Variants in FAT3 observed in about 807,000 individuals in gnomAD.
The protein encoded by FAT3 is protocadherin Fat 3.
A neutral mutation model predicts 310.2 loss-of-function variants in FAT3; 95 were observed. The observed-to-expected ratio is 0.31, with a 90% CI of 0.26 to 0.36. The LOEUF (loss-of-function observed/expected upper bound fraction) is 0.36. FAT3 is among the 10% of genes least tolerant of loss of function. The probability of loss-of-function intolerance (pLI) is 1.00; values close to 1 mark genes in which losing one functional copy is unlikely to be tolerated. For synonymous variants in FAT3, 2,314 were observed against 2,192.9 expected (o/e 1.06, Z -1.54); for missense variants, 5,408 against 5,715.6 (o/e 0.95, Z 1.74).
chr11:92,528,608 G>A (rs908409597), intron 3 of FAT3, among the ~76,000 whole-genome samples: 23 of 152,106 alleles, frequency 1.5e-4, no homozygotes, highest in African/African-American at 5.6e-4. Context: ...GGATGGTCTC[G>A]ATTTCCTGAC....
chr11:92,439,274 C>G (rs2135065744), intron 2 of FAT3, among the ~76,000 whole-genome samples: 1 of 152,216 alleles, frequency 6.6e-6, no homozygotes, highest in Admixed American at 6.5e-5. Context: ...TGATCTAAAA[C>G]AGAGAATTGA....
chr11:92,836,547 T>G lies in FAT3; in HGVS notation c.10087-19T>G. 6.2e-7 allele frequency: 1 copy of G among 1,610,998 alleles called. No homozygotes were observed. On this transcript the variant is annotated intron_variant, in intron 15 of 27. Transcript: ENST00000525166. ...CCTTATGTCATGTCTTTTCTTTGTTTTGCTTGTTTTCCATGAAGCTAATAG... is the reference window on the plus strand; with the variant it reads ...CCTTATGTCATGTCTTTTCTTTGTTGTGCTTGTTTTCCATGAAGCTAATAG...
intron 2 of FAT3, among the ~76,000 whole-genome samples, chr11:92,479,549 T>A (rs141153863): frequency 3.3e-4 from 51 of 152,314 alleles, no homozygotes; most frequent in African/African-American, 1.2e-3. Flanking sequence ...AGGCCTTGAA[T>A]GGCCTAAATA....
chr11:92,353,918 G>A lies in FAT3; in HGVS notation c.1806G>A (p.Ala602=), dbSNP rs1410181836. ...GTGGTCACATCACAGCAGTCTCAGC[G>A]ATCGATATCGATGAACTTGAACTTG... The part of the protein sequence containing the change: ...PVGGHITAVS[A]IDIDELELVK... The change falls in exon 2 of 28, where the codon GCG becomes GCA. Residue 602 remains alanine, a synonymous_variant. Transcript: ENST00000525166. 9.9e-6 allele frequency: 16 copies of A among 1,611,794 alleles called. 1 individual carries two copies. Among genetic ancestry groups the A allele is most frequent in the Middle Eastern group, 1.6e-4 (1 of 6,076 alleles).
chr11:92,256,231 G>C (rs1416744452), intron 1 of FAT3, among the ~76,000 whole-genome samples: 1 of 151,978 alleles, frequency 6.6e-6, no homozygotes, highest in Admixed American at 6.6e-5. Flanking sequence ...AGGACATGGA[G>C]TTCCAGGAGG....
intron 2 of FAT3, among the ~76,000 whole-genome samples, chr11:92,502,621 G>A (rs1482943584): frequency 6.6e-6 from 1 of 152,048 alleles, no homozygotes; most frequent in African/African-American, 2.4e-5. Flanking sequence ...CTGTTTCAAT[G>A]GGTGGAAAGT....
chr11:92,612,951 C>T (rs1940633788), intron 3 of FAT3, among the ~76,000 whole-genome samples: 1 of 152,120 alleles, frequency 6.6e-6, no homozygotes, highest in African/African-American at 2.4e-5. Flanking sequence ...TGCATGTGTG[C>T]TATGCCAGTG....
At chr11:92,515,342 A>G (rs186399264) in intron 2 of FAT3, among the ~76,000 whole-genome samples, 1 of 152,266 alleles carries the variant, frequency 6.6e-6, no homozygotes, top group Admixed American at 6.5e-5. Flanking sequence ...CTTTTTAAAA[A>G]TATTTATATT....
In FAT3 at chr11:92,523,387, A is replaced by T. The variant is rs1355559601; in HGVS notation, c.3293-1247A>T. 2.0e-5 allele frequency among the ~76,000 whole-genome samples: 3 copies of T among 152,154 alleles called. No individual in the cohort carries two copies. In the East Asian group the frequency reaches 5.8e-4, roughly 29 times the overall value. ...CTTTGGTGAATAACATAGCAGCTGA[A>T]ATTTCAACATCAATCCGGTTATCAC... On this transcript the variant is annotated intron_variant, in intron 2 of 27. Coordinates refer to ENST00000525166, the MANE Select transcript of FAT3 (RefSeq NM_001367949.2).
chr11:92,856,250 G>A (rs1002990353), intron 19 of FAT3, among the ~76,000 whole-genome samples: 24 of 152,198 alleles, frequency 1.6e-4, no homozygotes, highest in African/African-American at 5.6e-4. Flanking sequence ...CACATTCTCA[G>A]TTCACGGGGA....
chr11:92,564,444 T>A (rs1955354145), intron 3 of FAT3, among the ~76,000 whole-genome samples: 1 of 150,362 alleles, frequency 6.7e-6, no homozygotes, highest in East Asian at 2.0e-4. Flanking sequence ...AATGGGAGAC[T>A]TTAACACCCC....
At chr11:92,558,015 A>C (rs557533219) in intron 3 of FAT3, among the ~76,000 whole-genome samples, 147 of 152,248 alleles carry the variant, frequency 9.7e-4, no homozygotes, top group African/African-American at 3.3e-3. Context: ...ATCTCCTGTT[A>C]TCACATTCAG....
At position 92,883,475 on chromosome 11, in the gene FAT3, G is replaced by C. The variant is rs1030294714; in HGVS notation, c.12937+82G>C. On this transcript the variant is annotated intron_variant, in intron 24 of 27. Transcript: ENST00000525166. The surrounding 1 kb of genome is among the most constrained non-coding windows in gnomAD (Gnocchi z 4.2). ...GCTGTGCGAGGACGCTACGGGAAGG[G>C]AGAGAGACCCCGCATGCAGAGCATT... The C allele has an allele frequency of 9.4e-6, 14 of 1,490,498 alleles. No homozygotes were observed. The African/African-American group carries it at 1.8e-4, about 19-fold the overall frequency. The allele number at this position is 1,490,498 out of a possible 1,614,324, so 92.3% of individuals were successfully genotyped here. A position where few individuals can be genotyped will look rare whatever the true frequency, so the allele number is the denominator to read the frequency against.
In FAT3 at chr11:92,799,680, A is replaced by G. The variant is rs763441667; in HGVS notation, c.6667A>G (p.Ile2223Val). 54 of 1,613,486 alleles carry G rather than the reference A, an allele frequency of 3.3e-5. No individual in the cohort carries two copies. The South Asian group carries it at 5.8e-4, about 17-fold the overall frequency. Residue 2223 changes from isoleucine (I) to valine (V), a missense_variant, in exon 10 of 28, where the codon ATC (isoleucine) becomes GTC (valine). Coordinates refer to ENST00000525166, the MANE Select transcript of FAT3 (RefSeq NM_001367949.2). ...AGGCCAAGGCATCATATATATCATT[A>G]TCGATGGGGACCCTTTTAAACAGTT... is the stretch of plus-strand genomic sequence containing the variant. ...PEGQGIIYII[I>V]DGDPFKQFNI...
intron 3 of FAT3, among the ~76,000 whole-genome samples, chr11:92,619,573 G>C (rs866159646): frequency 7.2e-5 from 11 of 151,970 alleles, no homozygotes; most frequent in Middle Eastern, 6.8e-3. Context: ...CAGATTTACT[G>C]TTTCTCCCTG....
chr11:92,866,273 A>G (rs1014646902), intron 21 of FAT3, among the ~76,000 whole-genome samples: 17 of 152,288 alleles, frequency 1.1e-4, no homozygotes, highest in African/African-American at 4.1e-4. Flanking sequence ...ATGAGGGCAG[A>G]GATGATAACT....
intron 2 of FAT3, among the ~76,000 whole-genome samples, chr11:92,518,826 G>A (rs1007434551): frequency 1.3e-5 from 2 of 151,860 alleles, no homozygotes; most frequent in Admixed American, 1.3e-4. Flanking sequence ...AAATGTTTAG[G>A]GATAAATTTG....
intron 3 of FAT3, among the ~76,000 whole-genome samples, chr11:92,551,564 G>T (rs1340733681): frequency 6.6e-6 from 1 of 152,004 alleles, no homozygotes; most frequent in Non-Finnish European, 1.5e-5. Context: ...TGTAGAAATA[G>T]AAGACAAGTG....
intron 4 of FAT3, among the ~76,000 whole-genome samples, chr11:92,731,340 A>C (rs1945172183): frequency 6.6e-6 from 1 of 152,170 alleles, no homozygotes; most frequent in Non-Finnish European, 1.5e-5. Context: ...CCTAGTCAGT[A>C]GGGAAAAGGA....
Sources: allele counts gnomAD v4.1 joint callset (sites outside exome capture counted in the v4.1 genomes callset), GRCh38; gene constraint gnomAD v4.1.1; non-coding constraint Gnocchi (gnomAD v3.1); transcripts MANE v1.5; gene names NCBI Gene and HGNC (gene_info 2026-07-23, HGNC 2026-07-21).